The following HEXB variants were observed in gnomAD, a reference collection of about 807,000 sequenced individuals.
HEXB encodes beta-hexosaminidase subunit beta.
A neutral mutation model predicts 71.2 loss-of-function variants in HEXB; 51 were observed. The ratio of observed to expected loss-of-function variants is 0.72; its 90% CI spans 0.57 to 0.90. HEXB has a LOEUF of 0.90. HEXB is among the 40% of genes least tolerant of loss of function. The pLI, the probability that HEXB is intolerant of heterozygous loss-of-function variation, is 0.00. For missense variants in HEXB, 617 were observed against 677.0 expected (o/e 0.91, Z 0.98); for synonymous variants, 266 against 249.3 (o/e 1.07, Z -0.63).
chr5:74,716,006 G>C (rs1749662756), intron 8 of HEXB, among the ~76,000 whole-genome samples: 1 of 107,196 alleles, frequency 9.3e-6, no homozygotes, highest in Admixed American at 1.4e-4. Flanking sequence ...GACAGAGTGA[G>C]ACTCCATCTC....
intron 1 of HEXB, among the ~76,000 whole-genome samples, chr5:74,687,788 G>A (rs944651836): frequency 6.6e-6 from 1 of 151,974 alleles, no homozygotes; most frequent in Admixed American, 6.6e-5. Flanking sequence ...ATCTGTCAGG[G>A]TTTTCCTATG....
chr5:74,641,931 G>C lies in HEXB; in HGVS notation c.-377+1373G>C, dbSNP rs1460735117. On this transcript the variant is annotated intron_variant, in intron 1 of 13. Coordinates refer to the HEXB transcript ENST00000511181. The surrounding 1 kb of genome is among the most constrained non-coding windows in gnomAD (Gnocchi z 4.1). The stretch of plus-strand genomic sequence containing the variant: ...CACTTAGCAACAATGTCCCAGCTCT[G>C]CAGCTCGAGAGTGAGGGCCCCACGA... 6.6e-6 allele frequency among the ~76,000 whole-genome samples: 1 copy of C among 152,150 alleles called. No homozygotes were observed.
At chr5:74,669,932 A>C (rs1405103751) in intron 1 of HEXB, among the ~76,000 whole-genome samples, 4 of 152,230 alleles carry the variant, frequency 2.6e-5, no homozygotes, top group Admixed American at 2.6e-4. Flanking sequence ...CCCATGTGCA[A>C]TACCATAAGT....
intron 6 of HEXB, among the ~76,000 whole-genome samples, chr5:74,710,318 C>T (rs1749509326): frequency 6.6e-6 from 1 of 151,344 alleles, no homozygotes; most frequent in Non-Finnish European, 1.5e-5. Flanking sequence ...ATGACAAACC[C>T]CCAGCCAATA....
At chr5:74,708,639 TC>T (rs1366244699) in intron 6 of HEXB, among the ~76,000 whole-genome samples, 1 of 151,974 alleles carries the variant, frequency 6.6e-6, no homozygotes, top group African/African-American at 2.4e-5. Context: ...GGGGTTGCAA[TC>T]CTAGTCTCTG....
At chr5:74,690,181 G>A (rs1056882917) in intron 2 of HEXB, among the ~76,000 whole-genome samples, 3 of 152,118 alleles carry the variant, frequency 2.0e-5, no homozygotes, top group African/African-American at 2.4e-5. Context: ...TGCCTAAAAC[G>A]TTATTCTCTA....
At chr5:74,661,907 G>A (rs1160837759) in intron 1 of HEXB, among the ~76,000 whole-genome samples, 1 of 152,112 alleles carries the variant, frequency 6.6e-6, no homozygotes, top group Non-Finnish European at 1.5e-5. Context: ...GCCACATATA[G>A]CCAAATACCA....
Position 74,705,091 on chromosome 5 carries a change from CAA to C in HEXB, c.670-108_670-107del, listed in dbSNP as rs10644603. 0.16 allele frequency: 70,271 copies of C among 426,768 alleles called. 4 individuals carry two copies. Among genetic ancestry groups the C allele is most frequent in the East Asian group, 0.2 (4,547 of 22,410 alleles). The allele number at this position is 426,768 out of a possible 1,614,324, so 26.4% of individuals were successfully genotyped here. ...TGGGCAATGGAGTGAGACCCTGTCTCAAAAAAAAAAAAAAAAAAAAAGTTTTA... is the reference window on the plus strand; with the variant it reads ...TGGGCAATGGAGTGAGACCCTGTCTCAAAAAAAAAAAAAAAAAAAGTTTTA... On this transcript the variant is annotated intron_variant, in intron 5 of 13. Coordinates refer to ENST00000261416, the MANE Select transcript of HEXB (RefSeq NM_000521.4).
At chr5:74,709,174 A>G (rs1167655862) in intron 6 of HEXB, among the ~76,000 whole-genome samples, 1 of 152,228 alleles carries the variant, frequency 6.6e-6, no homozygotes, top group Non-Finnish European at 1.5e-5. Context: ...AAACTGAACA[A>G]CCTGCTCCTG....
upstream of HEXB, among the ~76,000 whole-genome samples, chr5:74,684,756 C>T (rs1748813804): frequency 6.6e-6 from 1 of 150,470 alleles, no homozygotes; most frequent in African/African-American, 2.5e-5. Context: ...CGGCTCACTG[C>T]AACCTCCGCC....
At chr5:74,693,030 A>G (rs1186694415) in intron 2 of HEXB, among the ~76,000 whole-genome samples, 1 of 152,216 alleles carries the variant, frequency 6.6e-6, no homozygotes, top group Admixed American at 6.5e-5. Flanking sequence ...TTATTGAGTG[A>G]GACAAAGCTG....
chr5:74,674,604 AG>A (rs1476669132), intron 1 of HEXB, among the ~76,000 whole-genome samples: 1 of 128,274 alleles, frequency 7.8e-6, no homozygotes, highest in Non-Finnish European at 1.7e-5. Flanking sequence ...ACTCTGTCTC[AG>A]AAAAAAAAAA....
At chr5:74,661,093 T>A (rs997971045) in intron 1 of HEXB, among the ~76,000 whole-genome samples, 2 of 152,102 alleles carry the variant, frequency 1.3e-5, no homozygotes, top group African/African-American at 4.8e-5. Flanking sequence ...GGAGCCACAG[T>A]GAGCCACATG....
At chr5:74,696,387 T>G (rs146428794) in intron 3 of HEXB, among the ~76,000 whole-genome samples, 1 of 152,208 alleles carries the variant, frequency 6.6e-6, no homozygotes, top group Non-Finnish European at 1.5e-5. Context: ...AAGGAACCAG[T>G]ATTTTATTAA....
upstream of HEXB, among the ~76,000 whole-genome samples, chr5:74,682,276 T>A (rs1422436049): frequency 6.6e-6 from 1 of 152,208 alleles, no homozygotes; most frequent in Non-Finnish European, 1.5e-5. Context: ...GAGAATGGCG[T>A]GAACCCGGGA....
upstream of HEXB, among the ~76,000 whole-genome samples, chr5:74,683,058 A>C (rs1174558583): frequency 4.6e-5 from 7 of 152,190 alleles, no homozygotes; most frequent in African/African-American, 7.2e-5. Context: ...ACCTAATGGT[A>C]ATAGAGAGGA....
chr5:74,710,116 C>T (rs1363517892), intron 6 of HEXB, among the ~76,000 whole-genome samples: 10 of 152,088 alleles, frequency 6.6e-5, no homozygotes, highest in African/African-American at 1.9e-4. Flanking sequence ...ATCCCTGGGA[C>T]GCAAGCCTGG....
chr5:74,669,598 A>T (rs962698462), intron 1 of HEXB, among the ~76,000 whole-genome samples: 1 of 152,114 alleles, frequency 6.6e-6, no homozygotes, highest in Admixed American at 6.5e-5. Flanking sequence ...TAGGATCTAT[A>T]TCAGGATATC....
chr5:74,689,257 T>TACAATGTTA, intron 1 of HEXB, 71 bp from the exon 2 acceptor site: 4 of 1,170,766 alleles, frequency 3.4e-6, no homozygotes, highest in Non-Finnish European at 5.1e-6. Context: ...ACTACAATGT[T>TACAATGTTA]ACTAGCACAT....
Sources: gnomAD v4.1 joint callset for allele counts (sites outside exome capture counted in the v4.1 genomes callset) on GRCh38, gnomAD v4.1.1 for gene constraint, Gnocchi (gnomAD v3.1) non-coding constraint, MANE v1.5 for transcripts, NCBI Gene and HGNC (gene_info 2026-07-23, HGNC 2026-07-21) for gene names.